Variants in RPTOR observed in about 807,000 individuals in gnomAD.
The protein encoded by RPTOR is regulatory-associated protein of mTOR.
In RPTOR, 21 loss-of-function variants were observed where a neutral mutation model predicts 169.9. That is an observed-to-expected ratio of 0.12 (90% confidence interval 0.09 to 0.18). The LOEUF (loss-of-function observed/expected upper bound fraction) is 0.18. Ranked by LOEUF, RPTOR falls within the 10% of genes least tolerant of loss-of-function variation. The pLI is 1.00. For missense variants in RPTOR, 1,133 were observed against 1,855.9 expected, an observed-to-expected ratio of 0.61 and a Z score of 7.16; for synonymous variants, 732 against 753.2, an observed-to-expected ratio of 0.97 and a Z score of 0.46.
At chr17:80,760,064 T>C (rs565948651) in intron 6 of RPTOR, among the ~76,000 whole-genome samples, 2 of 152,250 alleles carry the variant, frequency 1.3e-5, no homozygotes, top group South Asian at 4.1e-4. Flanking sequence ...AAGTTCCATG[T>C]TTTATTTAGC....
intron 16 of RPTOR, among the ~76,000 whole-genome samples, chr17:80,884,344 G>C (rs1180341537): frequency 6.6e-6 from 1 of 152,244 alleles, no homozygotes; most frequent in African/African-American, 2.4e-5. Context: ...CTCGTGCCTG[G>C]TGCAGCTGGG....
chr17:80,650,679 G>A (rs1319521228), intron 3 of RPTOR, among the ~76,000 whole-genome samples: 2 of 152,170 alleles, frequency 1.3e-5, no homozygotes, highest in Non-Finnish European at 2.9e-5. Context: ...TTGCACCAGG[G>A]AGGCCATGGT....
At chr17:80,643,254 G>A (rs6565468) in intron 2 of RPTOR, among the ~76,000 whole-genome samples, 216 of 149,496 alleles carry the variant, frequency 1.4e-3, no homozygotes, top group African/African-American at 5.1e-3. Context: ...TTTGTGAAAC[G>A]GATTTTTTTT....
intron 1 of RPTOR, among the ~76,000 whole-genome samples, chr17:80,561,263 G>GTATATATATATATATATATA (rs1555713889): frequency 9.7e-4 from 19 of 19,626 alleles, no homozygotes; most frequent in African/African-American, 1.7e-3. Context: ...ATATATATAT[G>GTATATATATATATATATATA]TATATATATA....
chr17:80,871,478 C>G (rs1355207686), intron 13 of RPTOR, among the ~76,000 whole-genome samples: 1 of 152,160 alleles, frequency 6.6e-6, no homozygotes, highest in Non-Finnish European at 1.5e-5. Flanking sequence ...TGGCAGATCC[C>G]TGGTGGCGCT....
chr17:80,625,010 C>A (rs1239924653), intron 1 of RPTOR, among the ~76,000 whole-genome samples: 2 of 152,164 alleles, frequency 1.3e-5, no homozygotes, highest in African/African-American at 4.8e-5. Flanking sequence ...AGAAATTGAT[C>A]TTTAAACTGA....
Position 80,865,608 on chromosome 17 carries a change from G to A in RPTOR, c.1509+7708G>A, listed in dbSNP as rs139446729. On this transcript the variant is annotated intron_variant, in intron 13 of 33. Coordinates refer to ENST00000306801, the MANE Select transcript of RPTOR (RefSeq NM_020761.3). ...ATTCATCATTCATCAAGAGAACGTC[G>A]CAGTCCTAAATGTCTATTCACCTAA... Among the ~76,000 whole-genome samples the A allele has an allele frequency of 1.8e-4, 28 of 152,164 alleles. No individual in the cohort carries two copies. The East Asian group carries it at 3.7e-3, about 20-fold the overall frequency.
chr17:80,640,456 T>G (rs570738010), intron 2 of RPTOR, among the ~76,000 whole-genome samples: 2 of 152,338 alleles, frequency 1.3e-5, no homozygotes, highest in East Asian at 3.9e-4. Context: ...TCCCACCCAC[T>G]GCCCTATTCT....
intron 6 of RPTOR, among the ~76,000 whole-genome samples, chr17:80,776,235 A>G (rs1291258753): frequency 6.6e-6 from 1 of 151,390 alleles, no homozygotes; most frequent in Non-Finnish European, 1.5e-5. Flanking sequence ...ATATTTTCTT[A>G]TTTTGGACTA....
At chr17:80,628,504 C>T (rs1379396433) in intron 2 of RPTOR, among the ~76,000 whole-genome samples, 1 of 152,182 alleles carries the variant, frequency 6.6e-6, no homozygotes, top group African/African-American at 2.4e-5. Context: ...GAGAAGTCTG[C>T]TGTAATTCTT....
intron 24 of RPTOR, among the ~76,000 whole-genome samples, chr17:80,928,048 G>A (rs1295630164): frequency 6.6e-6 from 1 of 152,116 alleles, no homozygotes; most frequent in African/African-American, 2.4e-5. Flanking sequence ...CTCTGCCCCT[G>A]CCAAGTATTT....
chr17:80,751,370 C>T (rs1438492290), intron 5 of RPTOR, among the ~76,000 whole-genome samples: 2 of 152,130 alleles, frequency 1.3e-5, no homozygotes, highest in African/African-American at 2.4e-5. Flanking sequence ...CAGGGCAGTC[C>T]GTGTCATCTT....
chr17:80,748,550 G>C (rs1385657245), intron 5 of RPTOR, among the ~76,000 whole-genome samples: 15 of 122,448 alleles, frequency 1.2e-4, no homozygotes, highest in Non-Finnish European at 3.5e-5. Context: ...AGGACCTGTT[G>C]GGTGGATGGA....
At chr17:80,640,824 T>A (rs1567834679) in intron 2 of RPTOR, among the ~76,000 whole-genome samples, 1 of 152,214 alleles carries the variant, frequency 6.6e-6, no homozygotes, top group Non-Finnish European at 1.5e-5. Flanking sequence ...CTGTCCGTGG[T>A]TCACTGGAGA....
intron 1 of RPTOR, among the ~76,000 whole-genome samples, chr17:80,588,404 C>A (rs1568321846): frequency 6.6e-6 from 1 of 152,184 alleles, no homozygotes; most frequent in Non-Finnish European, 1.5e-5. Context: ...CTCAGGTGAT[C>A]TGCCCTCCTC....
At chr17:80,843,196 C>G (rs1395141337) in intron 10 of RPTOR, among the ~76,000 whole-genome samples, 1 of 152,166 alleles carries the variant, frequency 6.6e-6, no homozygotes, top group Non-Finnish European at 1.5e-5. Flanking sequence ...AAGTCACCAC[C>G]TCTATAATAT....
intron 1 of RPTOR, among the ~76,000 whole-genome samples, chr17:80,578,053 C>T (rs1469885989): frequency 6.6e-6 from 1 of 152,210 alleles, no homozygotes; most frequent in Non-Finnish European, 1.5e-5. Context: ...CATGAGCTGT[C>T]TCTAAAGAAG....
chr17:80,875,262 G>C (rs2068094235), intron 13 of RPTOR, among the ~76,000 whole-genome samples: 1 of 152,184 alleles, frequency 6.6e-6, no homozygotes. Flanking sequence ...TTGGCCAGGG[G>C]CTCCTCCTGG....
intron 13 of RPTOR, among the ~76,000 whole-genome samples, chr17:80,871,172 C>G: frequency 6.6e-6 from 1 of 151,406 alleles, no homozygotes; most frequent in East Asian, 1.9e-4. Flanking sequence ...GTGGCGCGAT[C>G]TCGGCTCACT....
Sources: allele counts gnomAD v4.1 joint callset (sites outside exome capture counted in the v4.1 genomes callset), GRCh38; gene constraint gnomAD v4.1.1; transcripts MANE v1.5; gene names NCBI Gene and HGNC (gene_info 2026-07-23, HGNC 2026-07-21).